The following NLK variants were observed in gnomAD, a reference collection of about 807,000 sequenced individuals.
The protein encoded by NLK is nemo like kinase, also known as serine/threonine-protein kinase NLK.
In NLK, 11 loss-of-function variants were observed where a neutral mutation model predicts 59.0. The ratio of observed to expected loss-of-function variants is 0.19; its 90% CI spans 0.12 to 0.31. The LOEUF (loss-of-function observed/expected upper bound fraction) is 0.31. NLK is among the 10% of genes least tolerant of loss of function. The pLI is 1.00. For synonymous variants in NLK, 235 were observed against 235.9 expected (o/e 1.00, Z 0.03); for missense variants, 410 against 661.1 (o/e 0.62, Z 4.16).
At chr17:28,123,521 T>C (rs1453286559) in intron 2 of NLK, among the ~76,000 whole-genome samples, 1 of 152,182 alleles carries the variant, frequency 6.6e-6, no homozygotes, top group Non-Finnish European at 1.5e-5. Context: ...ATAATACTAA[T>C]ATTCAACACA....
intron 1 of NLK, among the ~76,000 whole-genome samples, chr17:28,112,229 A>T (rs1251699673): frequency 2.0e-5 from 3 of 152,048 alleles, no homozygotes; most frequent in Non-Finnish European, 4.4e-5. Context: ...GCAGCCTTTG[A>T]ATAACAGAGC....
At chr17:28,120,306 CTG>C (rs1463167617) in intron 1 of NLK, among the ~76,000 whole-genome samples, 1 of 151,050 alleles carries the variant, frequency 6.6e-6, no homozygotes, top group Non-Finnish European at 1.5e-5. Flanking sequence ...CAGGGTCTCA[CTG>C]TGTTGCCTAG....
intron 1 of NLK, 42 bp downstream of exon 1, chr17:28,043,373 T>C: frequency 6.8e-7 from 1 of 1,467,076 alleles, no homozygotes; most frequent in East Asian, 2.3e-5. Flanking sequence ...TGGTTTCTTC[T>C]GTTGGTTGTC....
chr17:28,201,225 CAT>C (rs752035563), downstream of NLK, among the ~76,000 whole-genome samples: 5 of 152,030 alleles, frequency 3.3e-5, no homozygotes, highest in Non-Finnish European at 5.9e-5. Flanking sequence ...GGATTACAAA[CAT>C]GTGCCACCAC....
rs201944552 is a variant in NLK at position 28,043,122 on chromosome 17, C to A, written c.249C>A (p.Ala83=). Residue 83 remains alanine (A), a synonymous_variant, in exon 1 of 11, where the codon GCC becomes GCA. Transcript: ENST00000407008. ...CCGCAGCAGCGGCTGCAGCTGCAGC[C>A]ATGTTAAACCCTGGGCAACAACAGC... ...AAAAAAAAAA[A]MLNPGQQQPY... The A allele has an allele frequency of 1.9e-6, 3 of 1,604,216 alleles. No individual in the cohort carries two copies. Among genetic ancestry groups the A allele is most frequent in the Non-Finnish European group, 2.6e-6 (3 of 1,175,350 alleles).
intron 3 of NLK, among the ~76,000 whole-genome samples, chr17:28,153,274 CA>C (rs1281657628): frequency 0.018 from 1,905 of 104,474 alleles, 19 homozygotes; most frequent in Middle Eastern, 0.057. Context: ...AATTCCCCCT[CA>C]AAAAAAAAAA....
chr17:28,172,640 T>C (rs1324241018), intron 7 of NLK, 22 bp downstream of exon 7: 3 of 1,375,956 alleles, frequency 2.2e-6, no homozygotes, highest in African/African-American at 1.5e-5. Context: ...GGGGAATCTT[T>C]TTCTGGTAAC....
intron 1 of NLK, among the ~76,000 whole-genome samples, chr17:28,106,217 A>T (rs750769340): frequency 2.0e-5 from 3 of 152,200 alleles, no homozygotes; most frequent in Non-Finnish European, 4.4e-5. Flanking sequence ...ATAATTTTGC[A>T]TATTCAGAAC....
intron 1 of NLK, among the ~76,000 whole-genome samples, chr17:28,086,632 T>A (rs1293456548): frequency 6.6e-6 from 1 of 152,094 alleles, no homozygotes; most frequent in Admixed American, 6.5e-5. Context: ...AAAATATTTT[T>A]AAATTTTTTT....
intron 3 of NLK, among the ~76,000 whole-genome samples, chr17:28,155,315 C>T (rs1349390301): frequency 6.6e-6 from 1 of 152,130 alleles, no homozygotes; most frequent in Admixed American, 6.5e-5. Flanking sequence ...AATAGGAACG[C>T]TTTTACACTG....
At chr17:28,159,734 T>C (rs1022268688) in intron 3 of NLK, among the ~76,000 whole-genome samples, 2 of 152,152 alleles carry the variant, frequency 1.3e-5, no homozygotes, top group African/African-American at 4.8e-5. Flanking sequence ...TTCTATATAA[T>C]AAAGTAAATG....
At chr17:28,198,171 C>T (rs1909531157), downstream of NLK, among the ~76,000 whole-genome samples, 1 of 152,198 alleles carries the variant, frequency 6.6e-6, no homozygotes, top group African/African-American at 2.4e-5. Flanking sequence ...GAGTCTTGCT[C>T]TGTCACCCAG....
intron 1 of NLK, among the ~76,000 whole-genome samples, chr17:28,120,003 A>G (rs1349593871): frequency 6.6e-6 from 1 of 152,210 alleles, no homozygotes; most frequent in Admixed American, 6.5e-5. Context: ...AATAACTTCT[A>G]GATTAGAGAA....
At chr17:28,197,255 G>A (rs1225609488), downstream of NLK, among the ~76,000 whole-genome samples, 1 of 152,026 alleles carries the variant, frequency 6.6e-6, no homozygotes, top group Middle Eastern at 3.2e-3. Flanking sequence ...GATCACTTGA[G>A]GTCATGAGTT....
intron 1 of NLK, among the ~76,000 whole-genome samples, chr17:28,085,561 G>A (rs971213406): frequency 6.6e-6 from 1 of 152,072 alleles, no homozygotes; most frequent in African/African-American, 2.4e-5. Context: ...CCAACGTGGT[G>A]AAACCCCATC....
intron 5 of NLK, 128 bp downstream of exon 5, chr17:28,163,756 C>T (rs1418476498): frequency 1.6e-6 from 1 of 611,106 alleles, no homozygotes; most frequent in African/African-American, 1.9e-5. Context: ...CCAGTTTTCT[C>T]CATATCACTA....
chr17:28,058,109 G>A (rs917793193), intron 1 of NLK, among the ~76,000 whole-genome samples: 1 of 152,182 alleles, frequency 6.6e-6, no homozygotes, highest in South Asian at 2.1e-4. Flanking sequence ...ACATAGTTTC[G>A]TAATGTAAAC....
chr17:28,187,362 A>G lies in NLK; in HGVS notation c.1236+2097A>G, dbSNP rs34626755. ...TCTGTTGCCCAGGCTGGAGTGCAGC[A>G]GCGCAATCTCAGCTCACTGCACCTC... On this transcript the variant is annotated intron_variant, in intron 8 of 10. Transcript: ENST00000407008. 5.2e-3 allele frequency among the ~76,000 whole-genome samples: 797 copies of G among 152,178 alleles called. 13 individuals are homozygous for G. Among genetic ancestry groups the G allele is most frequent in the African/African-American group, 0.018 (732 of 41,530 alleles).
At chr17:28,107,823 C>A (rs558801839) in intron 1 of NLK, among the ~76,000 whole-genome samples, 1 of 152,210 alleles carries the variant, frequency 6.6e-6, no homozygotes, top group African/African-American at 2.4e-5. Flanking sequence ...TACAAAGAGA[C>A]ATATATCAGT....
Sources: gnomAD v4.1 joint callset for allele counts (sites outside exome capture counted in the v4.1 genomes callset) on GRCh38, gnomAD v4.1.1 for gene constraint, MANE v1.5 for transcripts, NCBI Gene and HGNC (gene_info 2026-07-23, HGNC 2026-07-21) for gene names.